E2F3: variants seen among roughly 807,000 people sequenced by gnomAD.
E2F3 encodes E2F transcription factor 3.
Under a neutral mutation model 44.4 loss-of-function variants are expected in E2F3, and 11 were observed. The observed-to-expected ratio is 0.25, with a 90% CI of 0.16 to 0.41. E2F3 has a LOEUF of 0.41. Ranked by LOEUF, E2F3 falls within the 10% of genes least tolerant of loss-of-function variation. The pLI, the probability that E2F3 is intolerant of heterozygous loss-of-function variation, is 1.00. For missense variants in E2F3, 487 were observed against 583.6 expected, an observed-to-expected ratio of 0.83 and a Z score of 1.70; for synonymous variants, 249 against 253.0, an observed-to-expected ratio of 0.98 and a Z score of 0.15.
chr6:20,410,873 C>T (rs753963331), intron 1 of E2F3, among the ~76,000 whole-genome samples: 5 of 152,218 alleles, frequency 3.3e-5, no homozygotes, highest in Admixed American at 6.5e-5. Context: ...CTGCCCGCCT[C>T]GGCCTCACAA....
At chr6:20,452,786 T>G (rs1301779699) in intron 1 of E2F3, among the ~76,000 whole-genome samples, 1 of 152,042 alleles carries the variant, frequency 6.6e-6, no homozygotes, top group Non-Finnish European at 1.5e-5. Context: ...ACCCCGTCTC[T>G]ACTGAAAATA....
At chr6:20,439,781 G>A (rs1481315896) in intron 1 of E2F3, among the ~76,000 whole-genome samples, 1 of 152,086 alleles carries the variant, frequency 6.6e-6, no homozygotes, top group Admixed American at 6.6e-5. Context: ...TCCTGCCTCG[G>A]CCTCCCAGAA....
In E2F3 at chr6:20,490,169, C is replaced by A; in HGVS notation, c.1137C>A (p.Asp379Glu). 2 of 1,560,280 alleles carry A rather than the reference C, an allele frequency of 1.3e-6. No individual in the cohort carries two copies. Among genetic ancestry groups the A allele is most frequent in the Non-Finnish European group, 1.7e-6 (2 of 1,155,082 alleles). The change falls in exon 7 of 7, where the codon GAC becomes GAA. Residue 379 changes from aspartate to glutamate, a missense_variant and splice_region_variant. Physicochemically the swap from Asp to Glu is conservative, Grantham distance 45. This residue lies in a region of E2F3 where 220 missense variants were observed against 261.7 expected (regional missense o/e 0.84). Transcript: ENST00000346618. This position sits in a 1 kb window ranked among gnomAD's most constrained non-coding sequence, Gnocchi z 4.3. ...NGNIPKPASK[D>E]LASTNSGHSD... ...TTTCCATCAATGTTTTCTTTTCAGACTTGGCTTCAACCAACTCAGGACATA... is the reference window on the plus strand; with the variant it reads ...TTTCCATCAATGTTTTCTTTTCAGAATTGGCTTCAACCAACTCAGGACATA...
At chr6:20,406,268 C>T (rs1390323037) in intron 1 of E2F3, among the ~76,000 whole-genome samples, 1 of 152,202 alleles carries the variant, frequency 6.6e-6, no homozygotes. Context: ...AACTTAATCT[C>T]TCAACTCAGT....
chr6:20,482,600 ATAT>A (rs373140155), intron 3 of E2F3, among the ~76,000 whole-genome samples, 159 bp from the exon 4 acceptor site: 2,213 of 102,296 alleles, frequency 0.022, 51 homozygotes, highest in African/African-American at 0.066. Context: ...GAAAAAAAAA[ATAT>A]ATATATATAT....
chr6:20,435,052 G>A (rs572090299), intron 1 of E2F3, among the ~76,000 whole-genome samples: 2 of 152,332 alleles, frequency 1.3e-5, no homozygotes, highest in East Asian at 1.9e-4. Flanking sequence ...CTGGACAAGT[G>A]AGGTCCTGCT....
At chr6:20,404,091 A>G (rs1759408929) in intron 1 of E2F3, among the ~76,000 whole-genome samples, 1 of 145,248 alleles carries the variant, frequency 6.9e-6, no homozygotes, top group African/African-American at 2.5e-5. Flanking sequence ...TAGGGGGCGG[A>G]TGGATGGGCG....
chr6:20,439,214 A>C (rs1010805946), intron 1 of E2F3, among the ~76,000 whole-genome samples: 2 of 152,130 alleles, frequency 1.3e-5, no homozygotes, highest in African/African-American at 4.8e-5. Flanking sequence ...TTTTCTCTTG[A>C]TTTTAGAACC....
chr6:20,489,072 A>G (rs1242543329), intron 6 of E2F3, among the ~76,000 whole-genome samples: 1 of 152,000 alleles, frequency 6.6e-6, no homozygotes, highest in African/African-American at 2.4e-5. Flanking sequence ...TGCAGTATAT[A>G]TTTTTCCATT....
intron 1 of E2F3, among the ~76,000 whole-genome samples, chr6:20,434,812 C>T (rs1021107656): frequency 6.6e-6 from 1 of 152,122 alleles, no homozygotes. Flanking sequence ...CACTGGAGAC[C>T]CCACCATGGG....
At chr6:20,419,269 C>CG (rs1759946411) in intron 1 of E2F3, among the ~76,000 whole-genome samples, 1 of 152,166 alleles carries the variant, frequency 6.6e-6, no homozygotes, top group Admixed American at 6.5e-5. Context: ...AACAGTGCTA[C>CG]ATTGGATATC....
chr6:20,449,173 A>C (rs1023591802), intron 1 of E2F3, among the ~76,000 whole-genome samples: 1 of 152,230 alleles, frequency 6.6e-6, no homozygotes, highest in African/African-American at 2.4e-5. Context: ...CTGATTTTTT[A>C]TATAGCTCCA....
At chr6:20,451,405 T>C (rs1761126633) in intron 1 of E2F3, among the ~76,000 whole-genome samples, 1 of 152,216 alleles carries the variant, frequency 6.6e-6, no homozygotes, top group South Asian at 2.1e-4. Flanking sequence ...TGTATGTTGC[T>C]TTTGTATCCT....
intron 4 of E2F3, among the ~76,000 whole-genome samples, chr6:20,483,423 T>C (rs1762296509): frequency 1.3e-5 from 2 of 152,166 alleles, no homozygotes; most frequent in African/African-American, 4.8e-5. Flanking sequence ...TGGGCTATAG[T>C]TGAAGGGTTT....
chr6:20,404,435 C>A (rs901904818), intron 1 of E2F3, among the ~76,000 whole-genome samples: 3 of 152,190 alleles, frequency 2.0e-5, no homozygotes, highest in African/African-American at 7.2e-5. Context: ...GGGCTAGAAC[C>A]GAACCAGACT....
intron 1 of E2F3, among the ~76,000 whole-genome samples, chr6:20,438,931 T>C (rs956401915): frequency 1.3e-5 from 2 of 152,214 alleles, no homozygotes; most frequent in African/African-American, 4.8e-5. Flanking sequence ...GGTATTTTAA[T>C]TGAGCTATTT....
chr6:20,419,514 C>G (rs970928891), intron 1 of E2F3, among the ~76,000 whole-genome samples: 4 of 151,786 alleles, frequency 2.6e-5, no homozygotes, highest in Non-Finnish European at 1.5e-5. Context: ...GCTGCTCATG[C>G]TAGATAGTAC....
chr6:20,404,798 G>T (rs1336413819), intron 1 of E2F3, among the ~76,000 whole-genome samples: 1 of 152,138 alleles, frequency 6.6e-6, no homozygotes, highest in Non-Finnish European at 1.5e-5. Flanking sequence ...GCAGTATCCG[G>T]TGTGCTGGGT....
At chr6:20,404,739 AGGGTCTGCCAGC>A (rs1326876820) in intron 1 of E2F3, among the ~76,000 whole-genome samples, 1 of 152,190 alleles carries the variant, frequency 6.6e-6, no homozygotes, top group Admixed American at 6.5e-5. Flanking sequence ...TTTAGTGACT[AGGGTCTGCCAGC>A]AGGGGGGAAA....
Sources: allele counts gnomAD v4.1 joint callset (sites outside exome capture counted in the v4.1 genomes callset), GRCh38; gene constraint gnomAD v4.1.1; regional missense constraint gnomAD v4.1.1; non-coding constraint Gnocchi (gnomAD v3.1); transcripts MANE v1.5; gene names NCBI Gene and HGNC (gene_info 2026-07-23, HGNC 2026-07-21).